Variants in WDFY4 observed in about 807,000 individuals in gnomAD.
WDFY4 encodes the protein WDFY family member 4.
Under a neutral mutation model 351.9 loss-of-function variants are expected in WDFY4, and 169 were observed. That is an observed-to-expected ratio of 0.48 (90% CI 0.42 to 0.55). WDFY4 has a LOEUF of 0.55. Among genes scored for constraint, WDFY4 ranks in the 20% least tolerant of loss-of-function variants. The pLI is 0.00. For synonymous variants in WDFY4, 1,622 were observed against 1,574.6 expected (o/e 1.03, Z -0.71); for missense variants, 3,803 against 3,935.6 (o/e 0.97, Z 0.90).
At chr10:48,854,479 G>A (rs1433837021) in intron 39 of WDFY4, among the ~76,000 whole-genome samples, 3 of 151,934 alleles carry the variant, frequency 2.0e-5, no homozygotes, top group Non-Finnish European at 2.9e-5. Context: ...CTCACTAGGC[G>A]ATCCCTTGCA....
chr10:48,783,757 T>C (rs2066303576), intron 19 of WDFY4, among the ~76,000 whole-genome samples: 1 of 152,226 alleles, frequency 6.6e-6, no homozygotes, highest in Non-Finnish European at 1.5e-5. Flanking sequence ...TTAGGCTATA[T>C]GGTATAGCTT....
At chr10:48,889,265 GT>G (rs376472238) in intron 43 of WDFY4, among the ~76,000 whole-genome samples, 39 of 152,232 alleles carry the variant, frequency 2.6e-4, no homozygotes, top group African/African-American at 8.9e-4. Flanking sequence ...CTGGATCATA[GT>G]GGTTAATACT....
intron 7 of WDFY4, 95 bp from the exon 8 acceptor site, chr10:48,729,337 G>C (rs2132326110): frequency 1.3e-6 from 2 of 1,487,494 alleles, no homozygotes; most frequent in Admixed American, 4.4e-5. Context: ...CCAGCTTGCA[G>C]ATCCCCATTG....
chr10:48,969,256 G>C lies in WDFY4; in HGVS notation c.8769+8G>C, dbSNP rs779361159. On this transcript the variant is annotated splice_region_variant and intron_variant, in intron 56 of 61. Transcript: ENST00000325239. ...AGCTACGGCTCCGACAAGGTGAGGG[G>C]GCTGCAGGGAGCAGGGGCAGCCTCA... 7.7e-6 allele frequency: 12 copies of C among 1,550,946 alleles called. No individual in the cohort carries two copies. The Admixed American group carries it at 9.8e-5, about 13-fold the overall frequency.
chr10:48,886,533 C>G (rs2070462104), intron 43 of WDFY4, among the ~76,000 whole-genome samples: 1 of 152,160 alleles, frequency 6.6e-6, no homozygotes. Flanking sequence ...AGGATAAGTT[C>G]AGCCCCATTT....
intron 51 of WDFY4, among the ~76,000 whole-genome samples, chr10:48,956,599 A>G (rs1404653747): frequency 1.3e-5 from 2 of 152,002 alleles, no homozygotes; most frequent in African/African-American, 2.4e-5. Context: ...CATATTCCCC[A>G]TCAGCAAGCT....
chr10:48,828,315 A>G (rs1279983722), intron 36 of WDFY4, among the ~76,000 whole-genome samples: 3 of 152,186 alleles, frequency 2.0e-5, no homozygotes, highest in South Asian at 2.1e-4. Flanking sequence ...AAATTTCAAG[A>G]TGATGACAGC....
At chr10:48,914,789 C>T (rs1838354618) in intron 47 of WDFY4, among the ~76,000 whole-genome samples, 1 of 152,274 alleles carries the variant, frequency 6.6e-6, no homozygotes, top group East Asian at 1.9e-4. Flanking sequence ...TGCAGAAAAG[C>T]CTGTTGCTCA....
In WDFY4 at chr10:48,974,822, T is replaced by C. The variant is rs546259494; in HGVS notation, c.8929-40T>C. The C allele has an allele frequency of 1.4e-5, 21 of 1,480,382 alleles. 1 individual carries two copies. The highest frequency in any genetic ancestry group is 5.5e-5 in the South Asian group (4 of 73,144). 91.7% of individuals were successfully genotyped at this position (1,480,382 alleles called of 1,614,324 possible). On this transcript the variant is annotated intron_variant, in intron 57 of 61. Transcript: ENST00000325239. ...TGAAGAATTCCCAAAAGTAGCTGAATTGAGGGTCCCTCTCCTAACCTGTGA... is the reference window on the plus strand; with the variant it reads ...TGAAGAATTCCCAAAAGTAGCTGAACTGAGGGTCCCTCTCCTAACCTGTGA...
In WDFY4 at chr10:48,891,481, T is replaced by C. The variant is rs942054560; in HGVS notation, c.7316+754T>C. Among the ~76,000 whole-genome samples the C allele has an allele frequency of 3.3e-5, 5 of 152,262 alleles. No individual in the cohort carries two copies. The South Asian group carries it at 1.0e-3, about 31-fold the overall frequency. On this transcript the variant is annotated intron_variant, in intron 44 of 61. Transcript: ENST00000325239. ...AAAAGTCCAGTTGTCAAGTGTATGT[T>C]TTCACTTGATCATTGTCTTTGAAGA...
In WDFY4 at chr10:48,720,078, A is replaced by C; in HGVS notation, c.302A>C (p.Asp101Ala). 1 of 1,551,778 alleles carries C rather than the reference A, an allele frequency of 6.4e-7. No homozygotes were observed. Among genetic ancestry groups the C allele is most frequent in the South Asian group, 1.2e-5 (1 of 84,058 alleles). ...CAAAGGCTGGCTGAAGACGTGTCTG[A>C]CCAGCTTGCCCAGCAACTCCAGAAG... Reference protein sequence around the residue: ...SLQRLAEDVSDQLAQQLQKAL... With the variant: ...SLQRLAEDVSAQLAQQLQKAL... Residue 101 changes from aspartate (D) to alanine (A), a missense_variant, in exon 3 of 62, where the codon GAC becomes GCC. By Grantham distance (126) the Asp-to-Ala change is moderately radical. Transcript: ENST00000325239.
At chr10:48,737,171 G>T (rs527721346) in intron 11 of WDFY4, among the ~76,000 whole-genome samples, 5 of 151,962 alleles carry the variant, frequency 3.3e-5, no homozygotes, top group Non-Finnish European at 7.4e-5. Flanking sequence ...CACCACGCTT[G>T]GCTAATTTTT....
intron 53 of WDFY4, 109 bp from the exon 54 acceptor site, chr10:48,963,733 C>T: frequency 3.2e-6 from 4 of 1,233,172 alleles, no homozygotes; most frequent in Middle Eastern, 2.7e-4. Context: ...CAATTATCTC[C>T]TCTGTGCAGG....
intron 30 of WDFY4, among the ~76,000 whole-genome samples, chr10:48,813,063 C>T (rs1416309576): frequency 5.3e-5 from 8 of 152,184 alleles, no homozygotes; most frequent in African/African-American, 1.9e-4. Flanking sequence ...GTGTGCCTGC[C>T]TCCTTAGAAA....
In WDFY4 at chr10:48,780,091, T is replaced by C; in HGVS notation, c.3548T>C (p.Leu1183Pro). ...MKRHCTVSTC[L>P]DGQVIGSAKM... ...AGGCATTGTACAGTTTCCACCTGTC[T>C]GGATGGACAGGTCATTGGCTCTGCC... Residue 1183 changes from leucine to proline, a missense_variant, in exon 19 of 62, where the codon CTG becomes CCG. Leu to Pro is a moderately conservative substitution (Grantham distance 98, BLOSUM62 -3). Transcript: ENST00000325239. The C allele has an allele frequency of 6.4e-7, 1 of 1,552,104 alleles. No individual in the cohort carries two copies. The highest frequency in any genetic ancestry group is 8.7e-7 in the Non-Finnish European group (1 of 1,147,060).
At chr10:48,823,652 G>A (rs1028854188) in intron 35 of WDFY4, 4 of 1,005,874 alleles carry the variant, frequency 4.0e-6, no homozygotes, top group African/African-American at 1.7e-5. Flanking sequence ...TTCCTGGCAA[G>A]TTGTGTTGTA....
chr10:48,687,523 G>A lies in WDFY4; in HGVS notation c.-18+2522G>A, dbSNP rs1589383775. On this transcript the variant is annotated intron_variant, in intron 1 of 61. Coordinates refer to ENST00000325239, the MANE Select transcript of WDFY4 (RefSeq NM_001394531.1). ...CTGCCTGGAAATGGCTTTTGTGTAT[G>A]GCGTGAGGTGGGAAGAAACTTTATT... Among the ~76,000 whole-genome samples the A allele has an allele frequency of 2.0e-5, 3 of 152,100 alleles. No individual in the cohort carries two copies. In the South Asian group the frequency reaches 6.2e-4, roughly 32 times the overall value.
intron 47 of WDFY4, among the ~76,000 whole-genome samples, chr10:48,928,133 T>C (rs1432388542): frequency 1.3e-5 from 2 of 152,242 alleles, no homozygotes; most frequent in East Asian, 3.9e-4. Context: ...CTCCCGCAGA[T>C]TAGGAAACTG....
At chr10:48,910,354 C>G in intron 47 of WDFY4, 1 of 1,083,026 alleles carries the variant, frequency 9.2e-7, no homozygotes, top group Non-Finnish European at 1.4e-6. Context: ...CAAGGTCATG[C>G]CTGACCTTCA....
Sources: allele counts gnomAD v4.1 joint callset (sites outside exome capture counted in the v4.1 genomes callset), GRCh38; gene constraint gnomAD v4.1.1; transcripts MANE v1.5; gene names NCBI Gene and HGNC (gene_info 2026-07-23, HGNC 2026-07-21).